Variants in MIR2052HG observed in about 807,000 individuals in gnomAD.
MIR2052HG encodes the protein MIR2052 host gene.
intron 2 of MIR2052HG, among the ~76,000 whole-genome samples, chr8:74,677,530 A>G (rs1809067986): frequency 6.6e-6 from 1 of 152,140 alleles, no homozygotes; most frequent in Non-Finnish European, 1.5e-5. Context: ...GATTAGAAGT[A>G]AATTGCAACA....
chr8:74,719,849 C>CTTTTTTTTTTTTTTTTTTTT (rs10647233), intron 4 of MIR2052HG, among the ~76,000 whole-genome samples: 12 of 106,714 alleles, frequency 1.1e-4, no homozygotes, highest in South Asian at 3.4e-4. Flanking sequence ...TTTCTTTTTT[C>CTTTTTTTTTTTTTTTTTTTT]TTTTTTTTTT....
At chr8:74,703,918 A>G (rs1319587) in intron 4 of MIR2052HG, among the ~76,000 whole-genome samples, 1,798 of 152,144 alleles carry the variant, frequency 0.012, 36 homozygotes, top group African/African-American at 0.041. Context: ...ATATTACAAT[A>G]AGTGGAGATC....
At chr8:74,604,389 G>T in intron 1 of MIR2052HG, 1 of 375,744 alleles carries the variant, frequency 2.7e-6, no homozygotes, top group South Asian at 2.2e-5. Flanking sequence ...GGCCGGGGGC[G>T]GAACAATAGG....
intron 2 of MIR2052HG, among the ~76,000 whole-genome samples, chr8:74,623,133 T>A (rs1479724987): frequency 2.6e-5 from 4 of 152,110 alleles, no homozygotes; most frequent in Non-Finnish European, 5.9e-5. Flanking sequence ...TGTAAAAGAG[T>A]AGATTTTAGT....
At chr8:74,652,470 T>C (rs1164663828) in intron 2 of MIR2052HG, among the ~76,000 whole-genome samples, 1 of 152,202 alleles carries the variant, frequency 6.6e-6, no homozygotes, top group African/African-American at 2.4e-5. Context: ...ATGTGGCACA[T>C]ATGAGAACTA....
intron 2 of MIR2052HG, among the ~76,000 whole-genome samples, chr8:74,693,955 T>C (rs1809269310): frequency 6.6e-6 from 1 of 152,080 alleles, no homozygotes; most frequent in Non-Finnish European, 1.5e-5. Context: ...AACCCAAATA[T>C]TTATCCAGGC....
At chr8:74,703,663 A>T (rs1429413102) in exon 4 of MIR2052HG, 2 of 451,950 alleles carry the variant, frequency 4.4e-6, no homozygotes, top group South Asian at 3.2e-5. Flanking sequence ...TTCTGGAGTG[A>T]TTTATCTTTT....
At chr8:74,712,235 A>G (rs889227132) in intron 4 of MIR2052HG, among the ~76,000 whole-genome samples, 11 of 152,188 alleles carry the variant, frequency 7.2e-5, no homozygotes, top group Non-Finnish European at 1.3e-4. Context: ...CATGTAAAGT[A>G]TGTAGAAGAG....
intron 4 of MIR2052HG, among the ~76,000 whole-genome samples, chr8:74,708,773 T>A (rs535187772): frequency 2.7e-5 from 4 of 149,882 alleles, no homozygotes; most frequent in Non-Finnish European, 4.4e-5. Context: ...AAAATAAAAA[T>A]TTTAAATTAG....
chr8:74,733,760 T>C (rs1312665133), intron 4 of MIR2052HG, among the ~76,000 whole-genome samples: 1 of 145,118 alleles, frequency 6.9e-6, no homozygotes, highest in African/African-American at 2.6e-5. Flanking sequence ...CCTGACTTTT[T>C]AATGATTGCC....
At chr8:74,630,852 T>G (rs1808501505) in intron 2 of MIR2052HG, among the ~76,000 whole-genome samples, 1 of 152,222 alleles carries the variant, frequency 6.6e-6, no homozygotes, top group Non-Finnish European at 1.5e-5. Context: ...TGTAGCCTAC[T>G]TCATTTGATC....
chr8:74,716,120 C>T (rs1041122012), intron 4 of MIR2052HG, among the ~76,000 whole-genome samples: 1 of 152,122 alleles, frequency 6.6e-6, no homozygotes, highest in African/African-American at 2.4e-5. Context: ...ACTGGGGGCC[C>T]ACTCCCACTA....
intron 2 of MIR2052HG, among the ~76,000 whole-genome samples, chr8:74,685,106 G>A (rs1809166227): frequency 6.6e-6 from 1 of 152,060 alleles, no homozygotes; most frequent in Non-Finnish European, 1.5e-5. Flanking sequence ...TTATGTGAAA[G>A]TTTTAATATA....
chr8:74,607,155 C>T (rs1005133341), intron 1 of MIR2052HG, among the ~76,000 whole-genome samples: 2 of 150,164 alleles, frequency 1.3e-5, no homozygotes, highest in Non-Finnish European at 3.0e-5. Flanking sequence ...TAACATCAAT[C>T]AAAAGAAAGC....
intron 2 of MIR2052HG, among the ~76,000 whole-genome samples, chr8:74,635,823 G>T (rs1439899689): frequency 3.3e-5 from 5 of 152,086 alleles, no homozygotes; most frequent in Admixed American, 6.6e-5. Context: ...ATTCTTTAGA[G>T]AATTTTTATT....
At chr8:74,718,970 T>C (rs1469932339) in intron 4 of MIR2052HG, among the ~76,000 whole-genome samples, 1 of 152,160 alleles carries the variant, frequency 6.6e-6, no homozygotes, top group Non-Finnish European at 1.5e-5. Flanking sequence ...TCTTTCTTGC[T>C]GTGTCAGGAG....
At chr8:74,703,738 A>G (rs1410644202) in intron 4 of MIR2052HG, 3 of 428,376 alleles carry the variant, frequency 7.0e-6, no homozygotes, top group African/African-American at 6.1e-5. Flanking sequence ...ATGAAAGTCA[A>G]GTGATCTCTT....
chr8:74,612,626 G>C (rs1397474149), intron 1 of MIR2052HG: 2 of 297,154 alleles, frequency 6.7e-6, no homozygotes, highest in African/African-American at 4.4e-5. Context: ...TAGAAGAAAA[G>C]AGGAGTATCC....
At chr8:74,752,281 C>CAAAAA (rs34347449) in intron 4 of MIR2052HG, among the ~76,000 whole-genome samples, 1 of 79,370 alleles carries the variant, frequency 1.3e-5, no homozygotes, top group Non-Finnish European at 2.5e-5. Flanking sequence ...GATCCTGTCT[C>CAAAAA]AAAAAAAAAA....
Sources: allele counts gnomAD v4.1 joint callset (sites outside exome capture counted in the v4.1 genomes callset), GRCh38; gene constraint gnomAD v4.1.1; transcripts MANE v1.5; gene names NCBI Gene and HGNC (gene_info 2026-07-23, HGNC 2026-07-21).